MARCHF1: variants seen among roughly 807,000 people sequenced by gnomAD.
MARCHF1 encodes the protein membrane associated ring-CH-type finger 1.
MARCHF1 carries 40 observed loss-of-function variants against 54.2 expected under a neutral mutation model. That is an observed-to-expected ratio of 0.74 (90% CI 0.57 to 0.96). The LOEUF (loss-of-function observed/expected upper bound fraction) is 0.96. MARCHF1 is among the 40% of genes least tolerant of loss of function. The pLI is 0.00. For missense variants in MARCHF1, 586 were observed against 656.5 expected (o/e 0.89, Z 1.17); for synonymous variants, 236 against 236.3 (o/e 1.00, Z 0.01).
At chr4:163,613,453 T>G (rs766961413) in intron 5 of MARCHF1, 60 bp from the exon 6 acceptor site, 1 of 1,612,794 alleles carries the variant, frequency 6.2e-7, no homozygotes, top group Non-Finnish European at 8.5e-7. Context: ...GTTGATATCT[T>G]GCTTTTTTTC....
At chr4:164,184,135 T>A (rs928894635) in intron 1 of MARCHF1, among the ~76,000 whole-genome samples, 1 of 152,170 alleles carries the variant, frequency 6.6e-6, no homozygotes, top group Non-Finnish European at 1.5e-5. Flanking sequence ...TATTGCTCGA[T>A]ACAACAGTGG....
intron 8 of MARCHF1, among the ~76,000 whole-genome samples, chr4:163,581,198 T>C (rs527665822): frequency 6.6e-6 from 1 of 152,276 alleles, no homozygotes; most frequent in East Asian, 1.9e-4. Context: ...TCAGGGAGCT[T>C]TGAGTTGTGT....
chr4:163,717,239 A>G (rs1320052467), intron 4 of MARCHF1, among the ~76,000 whole-genome samples: 1 of 147,198 alleles, frequency 6.8e-6, no homozygotes, highest in Non-Finnish European at 1.5e-5. Context: ...GAGTGAGAAC[A>G]TGCGGTGTTT....
chr4:163,735,149 T>G (rs188663103), intron 4 of MARCHF1, among the ~76,000 whole-genome samples: 48 of 152,314 alleles, frequency 3.2e-4, no homozygotes, highest in African/African-American at 1.1e-3. Flanking sequence ...CAGTGTTACC[T>G]TCTCAGAGAA....
chr4:163,807,116 T>C lies in MARCHF1; in HGVS notation c.111+46905A>G, dbSNP rs139496893. ...AACACAGCACAATATTTGCTGAAGT[T>C]TTCACAAAGGGGATACTTTGTAAAA... On this transcript the variant is annotated intron_variant, in intron 4 of 9. Coordinates refer to ENST00000514618, the MANE Select transcript of MARCHF1 (RefSeq NM_001394959.1). Among the ~76,000 whole-genome samples the C allele has an allele frequency of 3.4e-3, 512 of 152,296 alleles. 4 individuals carry two copies. Among genetic ancestry groups the C allele is most frequent in the African/African-American group, 0.012 (493 of 41,564 alleles).
At chr4:163,723,847 G>C (rs1745561896) in intron 4 of MARCHF1, among the ~76,000 whole-genome samples, 1 of 152,184 alleles carries the variant, frequency 6.6e-6, no homozygotes. Context: ...TTGTCACGTA[G>C]TTCTTGTGCC....
chr4:164,171,057 G>C (rs13435694), intron 1 of MARCHF1, among the ~76,000 whole-genome samples: 28,786 of 152,012 alleles, frequency 0.19, 4,380 homozygotes, highest in African/African-American at 0.41. Flanking sequence ...TCATTTTATA[G>C]TAACCAACAT....
intron 3 of MARCHF1, among the ~76,000 whole-genome samples, chr4:163,935,806 C>T (rs950677684): frequency 2.7e-5 from 4 of 146,514 alleles, no homozygotes; most frequent in Admixed American, 7.1e-5. Context: ...TGGTGTTTTG[C>T]TTTCTTATCA....
rs1238176093 is a variant in MARCHF1 at position 164,176,972 on chromosome 4, CTCTCTCTCTATATATATA to C, written c.-322-65328_-322-65311del. Among the ~76,000 whole-genome samples the C allele has an allele frequency of 1.9e-3, 108 of 56,804 alleles. 3 individuals carry two copies. The highest frequency in any genetic ancestry group is 8.6e-3 in the African/African-American group (102 of 11,872). The allele number at this position is 56,804 out of a possible 152,430, so 37.3% of individuals were successfully genotyped here. On this transcript the variant is annotated intron_variant, in intron 1 of 9. Transcript: ENST00000514618. The stretch of plus-strand genomic sequence containing the variant: ...TCTCTCTCTCTCTCTCTCTCTCTCT[CTCTCTCTCTATATATATA>C]TATATATATATATATATATACAAAT...
At position 164,348,305 on chromosome 4, in the gene MARCHF1, G is replaced by A. The variant is rs148854431; in HGVS notation, c.-323+35565C>T. Among the ~76,000 whole-genome samples, 708 of 152,242 alleles carry A rather than the reference G, an allele frequency of 4.7e-3. 6 individuals are homozygous for A. The highest frequency in any genetic ancestry group is 0.016 in the African/African-American group (661 of 41,552). On this transcript the variant is annotated intron_variant, in intron 1 of 9. Transcript: ENST00000514618. ...TTGGGAGGAAGGAAGAAAGGAAGAA[G>A]AAAGATTCATCCTGACTTGCTTCAA...
At position 163,895,763 on chromosome 4, in the gene MARCHF1, T is replaced by C. The variant is rs576023863; in HGVS notation, c.-38-41594A>G. Among the ~76,000 whole-genome samples, 46 of 152,290 alleles carry C rather than the reference T, an allele frequency of 3.0e-4. 2 individuals are homozygous for C. In the East Asian group the frequency reaches 8.5e-3, roughly 28 times the overall value. On this transcript the variant is annotated intron_variant, in intron 3 of 9. Transcript: ENST00000514618. Reference sequence around the variant, plus strand: ...GATTTATAAGTGGAGGCTTTAATTGTCTACCTTGCCACTGGGTGTGCTCAG... The same window carrying C: ...GATTTATAAGTGGAGGCTTTAATTGCCTACCTTGCCACTGGGTGTGCTCAG...
chr4:164,063,754 C>A (rs1037195643), intron 2 of MARCHF1, among the ~76,000 whole-genome samples: 1 of 151,968 alleles, frequency 6.6e-6, no homozygotes, highest in Non-Finnish European at 1.5e-5. Context: ...ATTCTATATA[C>A]GAGTATAGTC....
At chr4:163,953,641 C>T (rs1752177009) in intron 3 of MARCHF1, among the ~76,000 whole-genome samples, 1 of 152,090 alleles carries the variant, frequency 6.6e-6, no homozygotes, top group Admixed American at 6.6e-5. Flanking sequence ...TACTCAATGT[C>T]TTACAGTAGA....
intron 5 of MARCHF1, among the ~76,000 whole-genome samples, chr4:163,647,973 T>A (rs563523573): frequency 1.3e-4 from 20 of 151,348 alleles, no homozygotes; most frequent in African/African-American, 4.6e-4. Flanking sequence ...GTTGGTTTTT[T>A]AAAAAAAAGA....
chr4:163,598,590 T>TAA (rs1740846786), intron 7 of MARCHF1, among the ~76,000 whole-genome samples: 1 of 152,222 alleles, frequency 6.6e-6, no homozygotes. Flanking sequence ...AACACAACGA[T>TAA]AAGTATTTGA....
At chr4:163,875,347 G>A (rs1447856711) in intron 3 of MARCHF1, among the ~76,000 whole-genome samples, 1 of 152,036 alleles carries the variant, frequency 6.6e-6, no homozygotes, top group South Asian at 2.1e-4. Flanking sequence ...AAAGGTCATC[G>A]ATGTGAAAAG....
At chr4:164,258,326 C>G (rs1579667676) in intron 1 of MARCHF1, among the ~76,000 whole-genome samples, 1 of 151,706 alleles carries the variant, frequency 6.6e-6, no homozygotes. Flanking sequence ...CAGCAAACCA[C>G]CATGGCACGT....
intron 3 of MARCHF1, among the ~76,000 whole-genome samples, chr4:163,939,938 A>T (rs1410398386): frequency 6.6e-6 from 1 of 152,158 alleles, no homozygotes; most frequent in Non-Finnish European, 1.5e-5. Context: ...TCCAGAATTG[A>T]TATGTTGAAA....
At chr4:164,050,173 G>A (rs1754330115) in intron 2 of MARCHF1, among the ~76,000 whole-genome samples, 1 of 150,520 alleles carries the variant, frequency 6.6e-6, no homozygotes, top group South Asian at 2.1e-4. Flanking sequence ...TATTCGGGAG[G>A]CTGAGGCAGG....
Sources: gnomAD v4.1 joint callset for allele counts (sites outside exome capture counted in the v4.1 genomes callset) on GRCh38, gnomAD v4.1.1 for gene constraint, MANE v1.5 for transcripts, NCBI Gene and HGNC (gene_info 2026-07-23, HGNC 2026-07-21) for gene names.